The following PDZRN4 variants were observed in gnomAD, a reference collection of about 807,000 sequenced individuals.
PDZRN4 encodes PDZ domain containing ring finger 4.
PDZRN4 carries 70 observed loss-of-function variants against 99.0 expected under a neutral mutation model. The ratio of observed to expected loss-of-function variants is 0.71; its 90% confidence interval spans 0.58 to 0.86. The LOEUF is 0.86. PDZRN4 is among the 40% of genes least tolerant of loss of function. The pLI is 0.00. For missense variants in PDZRN4, 1,474 were observed against 1,331.2 expected, an observed-to-expected ratio of 1.11 and a Z score of -1.67; for synonymous variants, 551 against 501.6, an observed-to-expected ratio of 1.10 and a Z score of -1.32.
intron 3 of PDZRN4, among the ~76,000 whole-genome samples, chr12:41,313,522 G>A (rs117111663): frequency 0.022 from 3,368 of 152,232 alleles, 58 homozygotes; most frequent in Non-Finnish European, 0.033. Context: ...CTGGTGCCGA[G>A]AAGGCCCCAT....
intron 4 of PDZRN4, among the ~76,000 whole-genome samples, chr12:41,507,907 A>G (rs1938235808): frequency 6.6e-6 from 1 of 152,108 alleles, no homozygotes; most frequent in African/African-American, 2.4e-5. Flanking sequence ...TAGAGTTTAT[A>G]TTCTACAAGG....
Position 41,567,865 on chromosome 12 carries a change from A to G in PDZRN4, c.1550A>G (p.Glu517Gly). The change falls in exon 9 of 10, where the codon GAA (glutamate) becomes GGA (glycine). Residue 517 changes from glutamate (E) to glycine (G), a missense_variant. Coordinates refer to ENST00000402685, the MANE Select transcript of PDZRN4 (RefSeq NM_001164595.2). Reference protein sequence around the residue: ...NLEMLEEEHNEAMQPTANEVE... With the variant: ...NLEMLEEEHNGAMQPTANEVE... ...GAGATGTTGGAAGAAGAGCATAATG[A>G]AGCAATGCAGCCCACTGCCAATGAG... 6.2e-7 allele frequency: 1 copy of G among 1,612,966 alleles called. No individual in the cohort carries two copies. Among genetic ancestry groups the G allele is most frequent in the Non-Finnish European group, 8.5e-7 (1 of 1,179,128 alleles).
chr12:41,283,485 GA>G (rs1271017721), intron 3 of PDZRN4, among the ~76,000 whole-genome samples: 2 of 152,168 alleles, frequency 1.3e-5, no homozygotes, highest in African/African-American at 4.8e-5. Context: ...AACAGAAAAT[GA>G]GGGAATCCTC....
chr12:41,284,659 T>A (rs1230745442), intron 3 of PDZRN4, among the ~76,000 whole-genome samples: 1 of 151,952 alleles, frequency 6.6e-6, no homozygotes, highest in South Asian at 2.1e-4. Context: ...CCAAAACAGA[T>A]ATATAGACCA....
intron 3 of PDZRN4, among the ~76,000 whole-genome samples, chr12:41,294,759 T>A (rs1951479804): frequency 6.6e-6 from 1 of 152,122 alleles, no homozygotes; most frequent in African/African-American, 2.4e-5. Flanking sequence ...TTTTCTAAAG[T>A]CCTATTGTAA....
intron 3 of PDZRN4, among the ~76,000 whole-genome samples, chr12:41,387,731 C>T (rs180732835): frequency 6.6e-6 from 1 of 152,182 alleles, no homozygotes; most frequent in Non-Finnish European, 1.5e-5. Context: ...AATGAGCTAC[C>T]ATCTCACACC....
At chr12:41,244,855 T>C (rs1951124385) in intron 3 of PDZRN4, among the ~76,000 whole-genome samples, 1 of 109,596 alleles carries the variant, frequency 9.1e-6, no homozygotes, top group African/African-American at 3.0e-5. Context: ...CGGCTAATTT[T>C]TTGTATTTTT....
At chr12:41,284,825 A>C (rs1022416383) in intron 3 of PDZRN4, among the ~76,000 whole-genome samples, 1 of 152,040 alleles carries the variant, frequency 6.6e-6, no homozygotes, top group Non-Finnish European at 1.5e-5. Flanking sequence ...CTGAAACTGG[A>C]CCCCTTGCTT....
chr12:41,304,864 T>C (rs1951559076), intron 3 of PDZRN4, among the ~76,000 whole-genome samples: 1 of 152,210 alleles, frequency 6.6e-6, no homozygotes, highest in African/African-American at 2.4e-5. Flanking sequence ...ACTTCCTTCA[T>C]AAACATACTA....
intron 3 of PDZRN4, among the ~76,000 whole-genome samples, chr12:41,406,711 T>C (rs1952353092): frequency 6.6e-6 from 1 of 151,222 alleles, no homozygotes; most frequent in Non-Finnish European, 1.5e-5. Context: ...CAGACCAACA[T>C]AGCAAAACCT....
intron 3 of PDZRN4, among the ~76,000 whole-genome samples, chr12:41,233,586 CA>C (rs1324410687): frequency 6.6e-6 from 1 of 152,112 alleles, no homozygotes; most frequent in Non-Finnish European, 1.5e-5. Flanking sequence ...GGCACATATG[CA>C]CCATGGAGTA....
chr12:41,249,319 T>A (rs1422880469), intron 3 of PDZRN4, among the ~76,000 whole-genome samples: 3 of 152,202 alleles, frequency 2.0e-5, no homozygotes, highest in African/African-American at 4.8e-5. Flanking sequence ...CATGAAGATG[T>A]ATCTTGTCAC....
chr12:41,244,851 A>T (rs1224210442), intron 3 of PDZRN4, among the ~76,000 whole-genome samples: 3 of 110,564 alleles, frequency 2.7e-5, no homozygotes, highest in Non-Finnish European at 2.0e-5. Flanking sequence ...CGCCCGGCTA[A>T]TTTTTTGTAT....
intron 3 of PDZRN4, among the ~76,000 whole-genome samples, chr12:41,408,656 C>CA (rs1952367026): frequency 6.6e-6 from 1 of 151,852 alleles, no homozygotes; most frequent in African/African-American, 2.4e-5. Flanking sequence ...TATATTTTTC[C>CA]AAAAAACAAT....
intron 3 of PDZRN4, among the ~76,000 whole-genome samples, chr12:41,481,102 C>T (rs932929905): frequency 1.3e-5 from 2 of 151,940 alleles, no homozygotes; most frequent in African/African-American, 2.4e-5. Flanking sequence ...CAAACTATAT[C>T]TATCTCACCA....
At chr12:41,443,409 C>T (rs557352337) in intron 3 of PDZRN4, among the ~76,000 whole-genome samples, 27 of 152,210 alleles carry the variant, frequency 1.8e-4, no homozygotes, top group South Asian at 1.0e-3. Flanking sequence ...CAATAGGTAT[C>T]GCTAAATGCT....
intron 3 of PDZRN4, among the ~76,000 whole-genome samples, chr12:41,349,122 A>C (rs933315151): frequency 3.3e-5 from 5 of 152,074 alleles, no homozygotes; most frequent in Non-Finnish European, 5.9e-5. Context: ...CACAATTACT[A>C]TCAATAGGGA....
At chr12:41,456,929 G>A (rs974754864) in intron 3 of PDZRN4, among the ~76,000 whole-genome samples, 2 of 152,160 alleles carry the variant, frequency 1.3e-5, no homozygotes, top group African/African-American at 4.8e-5. Flanking sequence ...CAATGGAGAA[G>A]GCAGAACCAA....
chr12:41,345,059 C>A (rs1418313398), intron 3 of PDZRN4, among the ~76,000 whole-genome samples: 1 of 152,068 alleles, frequency 6.6e-6, no homozygotes, highest in Non-Finnish European at 1.5e-5. Context: ...TTACACTAAG[C>A]TTTTATGAAA....
Sources: gnomAD v4.1 joint callset for allele counts (sites outside exome capture counted in the v4.1 genomes callset) on GRCh38, gnomAD v4.1.1 for gene constraint, MANE v1.5 for transcripts, NCBI Gene and HGNC (gene_info 2026-07-23, HGNC 2026-07-21) for gene names.